Variants in AFG2A observed in about 807,000 individuals in gnomAD.
The protein encoded by AFG2A is AAA ATPase AFG2A, also known as ATPase family gene 2 protein homolog A.
At chr4:123,107,244 G>T in the AFG2A span, among the ~76,000 whole-genome samples, 6 of 152,202 alleles carry the variant, frequency 3.9e-5, no homozygotes, top group Non-Finnish European at 8.8e-5. Context: ...TTGTGTTACT[G>T]CTCTTTCAGT....
chr4:123,210,710 G>T, the AFG2A span, among the ~76,000 whole-genome samples: 1 of 152,222 alleles, frequency 6.6e-6, no homozygotes, highest in East Asian at 1.9e-4. Flanking sequence ...ATACCCAGCA[G>T]TGGGTTTGCT....
the AFG2A span, among the ~76,000 whole-genome samples, chr4:123,179,085 G>T: frequency 6.6e-6 from 1 of 152,096 alleles, no homozygotes; most frequent in African/African-American, 2.4e-5. Context: ...ACACTCTTGG[G>T]TCCAGGGTTA....
chr4:123,213,425 T>G, the AFG2A span, among the ~76,000 whole-genome samples: 2 of 152,160 alleles, frequency 1.3e-5, no homozygotes, highest in South Asian at 4.1e-4. Flanking sequence ...AATCATATGG[T>G]TAGTCCCAAA....
the AFG2A span, among the ~76,000 whole-genome samples, chr4:123,311,103 T>C: frequency 6.6e-6 from 1 of 152,218 alleles, no homozygotes. Context: ...AAGTTTTCTA[T>C]ATCTCAAGTT....
At chr4:123,074,284 CAG>C in the AFG2A span, among the ~76,000 whole-genome samples, 1 of 151,668 alleles carries the variant, frequency 6.6e-6, no homozygotes, top group Non-Finnish European at 1.5e-5. Flanking sequence ...TTAATAGAGA[CAG>C]AGTTTCAGCT....
At chr4:123,310,133 T>C in the AFG2A span, among the ~76,000 whole-genome samples, 1 of 152,316 alleles carries the variant, frequency 6.6e-6, no homozygotes, top group Non-Finnish European at 1.5e-5. Context: ...GCTTTTGGAA[T>C]TTCTACTAAG....
At chr4:122,961,927 C>T in the AFG2A span, among the ~76,000 whole-genome samples, 2 of 152,194 alleles carry the variant, frequency 1.3e-5, no homozygotes, top group Non-Finnish European at 2.9e-5. Flanking sequence ...CAGTCCAATT[C>T]AGTGGTCCCC....
the AFG2A span, among the ~76,000 whole-genome samples, chr4:123,075,098 C>T: frequency 6.6e-6 from 1 of 152,050 alleles, no homozygotes; most frequent in African/African-American, 2.4e-5. Context: ...TGCATGCCAC[C>T]ATGCCCGGCT....
At chr4:123,225,675 G>C in the AFG2A span, among the ~76,000 whole-genome samples, 1 of 152,168 alleles carries the variant, frequency 6.6e-6, no homozygotes, top group Admixed American at 6.5e-5. Flanking sequence ...TTTGGCTTAG[G>C]ATTGACTTGG....
chr4:123,035,947 T>C, the AFG2A span, among the ~76,000 whole-genome samples: 480 of 152,290 alleles, frequency 3.2e-3, 1 homozygote, highest in Non-Finnish European at 5.4e-3. Flanking sequence ...TTGGGTTTAA[T>C]TTTTTATTCA....
At chr4:122,953,571 G>T in the AFG2A span, among the ~76,000 whole-genome samples, 1 of 152,232 alleles carries the variant, frequency 6.6e-6, no homozygotes, top group Admixed American at 6.5e-5. Flanking sequence ...AGTCTAACAG[G>T]GTTGACACTT....
the AFG2A span, among the ~76,000 whole-genome samples, chr4:122,956,193 AG>A: frequency 6.6e-6 from 1 of 152,382 alleles, no homozygotes; most frequent in African/African-American, 2.4e-5. Flanking sequence ...GTAAAAATGT[AG>A]TGACTTCTGT....
At chr4:123,286,690 G>A in the AFG2A span, among the ~76,000 whole-genome samples, 2 of 151,972 alleles carry the variant, frequency 1.3e-5, no homozygotes, top group Non-Finnish European at 2.9e-5. Flanking sequence ...ACATCGACCT[G>A]GTTATAAAAA....
At chr4:122,997,220 T>C in the AFG2A span, among the ~76,000 whole-genome samples, 1 of 152,156 alleles carries the variant, frequency 6.6e-6, no homozygotes, top group African/African-American at 2.4e-5. Context: ...CCATGGTCTT[T>C]AGTATATCTA....
chr4:123,080,919 A>AATTT, the AFG2A span, among the ~76,000 whole-genome samples: 1 of 151,680 alleles, frequency 6.6e-6, no homozygotes, highest in East Asian at 1.9e-4. Context: ...AATACTCTTA[A>AATTT]ATTTATTTAT....
At chr4:123,047,821 G>A in the AFG2A span, among the ~76,000 whole-genome samples, 2 of 151,656 alleles carry the variant, frequency 1.3e-5, no homozygotes, top group South Asian at 4.2e-4. Flanking sequence ...TCCTTTCTTA[G>A]CCTCCTGAGC....
chr4:123,055,489 A>T, the AFG2A span, among the ~76,000 whole-genome samples: 1 of 152,188 alleles, frequency 6.6e-6, no homozygotes, highest in African/African-American at 2.4e-5. Context: ...AATACTGCCC[A>T]TACCAGTTTG....
chr4:122,933,333 C>T, the AFG2A span: 1 of 861,390 alleles, frequency 1.2e-6, no homozygotes, highest in South Asian at 1.7e-5. Context: ...GTGGATTATT[C>T]TTTTGATTAA....
chr4:123,240,946 G>T, the AFG2A span, among the ~76,000 whole-genome samples: 2 of 151,924 alleles, frequency 1.3e-5, no homozygotes, highest in African/African-American at 4.8e-5. Flanking sequence ...AATGATAAAG[G>T]GGATATCACC....
Sources: gnomAD v4.1 joint callset for allele counts (sites outside exome capture counted in the v4.1 genomes callset) on GRCh38, gnomAD v4.1.1 for gene constraint, MANE v1.5 for transcripts, NCBI Gene and HGNC (gene_info 2026-07-23, HGNC 2026-07-21) for gene names.